ITSN1: variants seen among roughly 807,000 people sequenced by gnomAD.
ITSN1 encodes intersectin-1.
ITSN1 carries 58 observed loss-of-function variants against 239.8 expected under a neutral mutation model. The observed-to-expected ratio is 0.24, with a 90% CI of 0.20 to 0.30. ITSN1 has a LOEUF of 0.30. ITSN1 is among the 10% of genes least tolerant of loss of function. The pLI is 1.00. For missense variants in ITSN1, 1,558 were observed against 2,103.3 expected, an observed-to-expected ratio of 0.74 and a Z score of 5.07; for synonymous variants, 780 against 770.8, an observed-to-expected ratio of 1.01 and a Z score of -0.20.
At chr21:33,794,835 C>T (rs1203264442) in intron 17 of ITSN1, among the ~76,000 whole-genome samples, 4 of 152,296 alleles carry the variant, frequency 2.6e-5, no homozygotes, top group East Asian at 1.9e-4. Context: ...AGCTAGTGCC[C>T]CACACAGGGC....
At chr21:33,673,651 T>G (rs1461065014) in intron 1 of ITSN1, among the ~76,000 whole-genome samples, 2 of 151,184 alleles carry the variant, frequency 1.3e-5, no homozygotes, top group East Asian at 3.9e-4. Flanking sequence ...AACCTACCCC[T>G]CAGTGGGGGT....
chr21:33,669,331 TCTTG>T (rs1208459141), intron 1 of ITSN1, among the ~76,000 whole-genome samples: 1 of 152,180 alleles, frequency 6.6e-6, no homozygotes, highest in Non-Finnish European at 1.5e-5. Context: ...GATCCACCCG[TCTTG>T]GCCTCCCAAA....
chr21:33,814,328 T>G, intron 22 of ITSN1: 1 of 465,430 alleles, frequency 2.1e-6, no homozygotes. Context: ...GCACTTGAGC[T>G]GCATCTTGAC....
chr21:33,702,806 G>A lies in ITSN1; in HGVS notation c.-32-15991G>A, dbSNP rs755993213. Among the ~76,000 whole-genome samples the A allele has an allele frequency of 5.9e-5, 9 of 152,038 alleles. No individual in the cohort carries two copies. The East Asian group carries it at 7.7e-4, about 13-fold the overall frequency. ...AATAAATATTGTTTTAGCCAGGCAC[G>A]GTGGCTCACGCCTGTAATCCTAGCA... On this transcript the variant is annotated intron_variant, in intron 1 of 39. Coordinates refer to ENST00000381318, the MANE Select transcript of ITSN1 (RefSeq NM_003024.3).
chr21:33,755,169 A>G (rs369364728), intron 7 of ITSN1, 128 bp from the exon 8 acceptor site: 37 of 506,592 alleles, frequency 7.3e-5, no homozygotes, highest in African/African-American at 4.5e-4. Flanking sequence ...TAGTGATAAT[A>G]AAATGAATAA....
chr21:33,835,454 C>T (rs2074546346), intron 28 of ITSN1, among the ~76,000 whole-genome samples: 1 of 152,144 alleles, frequency 6.6e-6, no homozygotes, highest in African/African-American at 2.4e-5. Flanking sequence ...AAGAAAGATT[C>T]ATAGGGACTG....
chr21:33,731,825 A>T (rs1015211617), intron 4 of ITSN1, among the ~76,000 whole-genome samples: 3 of 152,232 alleles, frequency 2.0e-5, no homozygotes, highest in Non-Finnish European at 4.4e-5. Context: ...GAAAAGAGTC[A>T]AACTCTGTAA....
intron 2 of ITSN1, among the ~76,000 whole-genome samples, chr21:33,719,976 T>TA (rs1185169762): frequency 6.6e-6 from 1 of 152,206 alleles, no homozygotes; most frequent in African/African-American, 2.4e-5. Context: ...ATGAAGAGAG[T>TA]AAAAGTCTCC....
At chr21:33,753,976 A>G (rs1018470314) in intron 7 of ITSN1, among the ~76,000 whole-genome samples, 2 of 152,108 alleles carry the variant, frequency 1.3e-5, no homozygotes, top group African/African-American at 4.8e-5. Flanking sequence ...TTTGCAATGC[A>G]GTATTGAACT....
rs540093528 is a variant in ITSN1 at position 33,697,456 on chromosome 21, G to A, written c.-32-21341G>A. On this transcript the variant is annotated intron_variant, in intron 1 of 39. Coordinates refer to ENST00000381318, the MANE Select transcript of ITSN1 (RefSeq NM_003024.3). ...CAACATTTTGTTTTCCTGTAACCTA[G>A]GCCATTACATTTTTTTTTCATGTGA... is the stretch of plus-strand genomic sequence containing the variant. Among the ~76,000 whole-genome samples the A allele has an allele frequency of 4.0e-5, 6 of 151,674 alleles. No individual in the cohort carries two copies. In the South Asian group the frequency reaches 1.3e-3, roughly 32 times the overall value.
At chr21:33,655,418 C>G (rs2088960200) in intron 1 of ITSN1, among the ~76,000 whole-genome samples, 1 of 151,694 alleles carries the variant, frequency 6.6e-6, no homozygotes, top group Non-Finnish European at 1.5e-5. Flanking sequence ...GCCACTGAAA[C>G]AAGATTTTTT....
intron 1 of ITSN1, among the ~76,000 whole-genome samples, chr21:33,657,193 C>T (rs2089166392): frequency 6.6e-6 from 1 of 152,130 alleles, no homozygotes; most frequent in African/African-American, 2.4e-5. Flanking sequence ...TTGGAATCCC[C>T]AGTGTTTATT....
At chr21:33,796,240 G>C (rs1331248884) in intron 17 of ITSN1, among the ~76,000 whole-genome samples, 2 of 151,928 alleles carry the variant, frequency 1.3e-5, no homozygotes, top group African/African-American at 4.8e-5. Flanking sequence ...CAAAGTGCTG[G>C]GATTACAGGC....
intron 1 of ITSN1, among the ~76,000 whole-genome samples, chr21:33,686,111 G>T (rs995041679): frequency 1.2e-4 from 18 of 152,284 alleles, no homozygotes; most frequent in African/African-American, 4.3e-4. Context: ...GACTGAGCTA[G>T]TTCAAGAATG....
At chr21:33,867,447 C>T (rs1453650443) in intron 33 of ITSN1, 116 bp downstream of exon 33, 3 of 678,172 alleles carry the variant, frequency 4.4e-6, no homozygotes, top group South Asian at 3.4e-5. Context: ...GTAGAAAGCA[C>T]GAGACAACAA....
chr21:33,838,672 C>T (rs2074717095), intron 29 of ITSN1, among the ~76,000 whole-genome samples: 3 of 152,172 alleles, frequency 2.0e-5, no homozygotes, highest in African/African-American at 4.8e-5. Flanking sequence ...CCCTCCCTCT[C>T]CCCGTGCTCT....
intron 1 of ITSN1, among the ~76,000 whole-genome samples, chr21:33,665,363 A>G (rs945686915): frequency 2.0e-5 from 3 of 152,234 alleles, no homozygotes; most frequent in Admixed American, 6.5e-5. Context: ...CAAATGGTCA[A>G]CCAGTACATG....
intron 4 of ITSN1, among the ~76,000 whole-genome samples, chr21:33,727,502 C>T (rs1247988463): frequency 6.7e-6 from 1 of 149,722 alleles, no homozygotes; most frequent in East Asian, 2.0e-4. Flanking sequence ...GAATGGGTGT[C>T]AGGGCAAACA....
rs577431121 is a variant in ITSN1, at chr21:33,734,814, G to A, written c.186-230G>A. Among the ~76,000 whole-genome samples the A allele has an allele frequency of 2.5e-4, 38 of 152,232 alleles. 1 individual carries two copies. In the South Asian group the frequency reaches 7.9e-3, roughly 32 times the overall value. ...CTAAAGTACAAATCCTCACACTGAG[G>A]CTGAAAATTACCTGCTAAAGTGGCA... On this transcript the variant is annotated intron_variant, in intron 4 of 39. Coordinates refer to ENST00000381318, the MANE Select transcript of ITSN1 (RefSeq NM_003024.3).
Sources: allele counts gnomAD v4.1 joint callset (sites outside exome capture counted in the v4.1 genomes callset), GRCh38; gene constraint gnomAD v4.1.1; transcripts MANE v1.5; gene names NCBI Gene and HGNC (gene_info 2026-07-23, HGNC 2026-07-21).